TRIM2: variants seen among roughly 807,000 people sequenced by gnomAD.
TRIM2 encodes the protein tripartite motif containing 2, also known as tripartite motif-containing protein 2.
Under a neutral mutation model 75.2 loss-of-function variants are expected in TRIM2, and 20 were observed. The ratio of observed to expected loss-of-function variants is 0.27; its 90% CI spans 0.19 to 0.39. The LOEUF is 0.39. Ranked by LOEUF, TRIM2 falls within the 10% of genes least tolerant of loss-of-function variation. The probability of loss-of-function intolerance (pLI) is 1.00; values close to 1 mark genes in which losing one functional copy is unlikely to be tolerated. For missense variants in TRIM2, 660 were observed against 990.8 expected (o/e 0.67, Z 4.48); for synonymous variants, 373 against 388.3 (o/e 0.96, Z 0.46).
intron 1 of TRIM2, among the ~76,000 whole-genome samples, chr4:153,188,428 T>G (rs11099877): frequency 0.037 from 5,554 of 152,018 alleles, 236 homozygotes; most frequent in Admixed American, 0.14. Context: ...CCACTGCACT[T>G]TAGCCTAGGT....
At chr4:153,157,224 A>C (rs1729315034) in intron 1 of TRIM2, 1 of 152,254 alleles carries the variant, frequency 6.6e-6, no homozygotes, top group Admixed American at 6.5e-5. Context: ...TTCAGTTCCC[A>C]CAGGCTAAGC....
At chr4:153,263,835 G>C (rs914861628) in intron 1 of TRIM2, among the ~76,000 whole-genome samples, 6 of 152,180 alleles carry the variant, frequency 3.9e-5, no homozygotes, top group Non-Finnish European at 7.3e-5. Flanking sequence ...ATGGCAGAGA[G>C]CAGACAGAGT....
At chr4:153,221,744 AAGGG>A (rs771087353) in intron 1 of TRIM2, among the ~76,000 whole-genome samples, 140 of 120,196 alleles carry the variant, frequency 1.2e-3, no homozygotes, top group East Asian at 2.1e-3. Context: ...AAGAGTGAGG[AAGGG>A]AGGGAGGGAG....
chr4:153,226,393 A>T (rs1019200024), intron 1 of TRIM2, among the ~76,000 whole-genome samples: 4 of 152,248 alleles, frequency 2.6e-5, no homozygotes. Flanking sequence ...CTCAAATAGA[A>T]GCTGTGGATA....
intron 3 of TRIM2, among the ~76,000 whole-genome samples, chr4:153,292,503 G>C (rs1257646793): frequency 3.3e-5 from 5 of 151,860 alleles, no homozygotes; most frequent in Admixed American, 6.6e-5. Context: ...TGTTTCCCAG[G>C]CTGGTCTTAA....
chr4:153,321,490 C>T (rs1042467722), intron 8 of TRIM2, among the ~76,000 whole-genome samples: 8 of 152,064 alleles, frequency 5.3e-5, no homozygotes, highest in Admixed American at 1.3e-4. Flanking sequence ...ATTTAAAATA[C>T]GGTATATGAT....
At chr4:153,307,654 T>C in intron 6 of TRIM2, 1 of 454,446 alleles carries the variant, frequency 2.2e-6, no homozygotes, top group South Asian at 2.0e-5. Context: ...GCTAACGTCA[T>C]CCTCACAGGA....
Position 153,335,679 on chromosome 4 carries a change from A to G in TRIM2, c.*713A>G, listed in dbSNP as rs143254727. Reference sequence around the variant, plus strand: ...AAAGTACTTCTTCAGGGAAACCTGAAATTTCTAATGCCTTGAAAAGCATAT... The same window carrying G: ...AAAGTACTTCTTCAGGGAAACCTGAGATTTCTAATGCCTTGAAAAGCATAT... On this transcript the variant is annotated 3_prime_UTR_variant, in exon 12 of 12. Transcript: ENST00000338700. The G allele has an allele frequency of 3.3e-4, 330 of 985,476 alleles. No homozygotes were observed. In the African/African-American group the frequency reaches 5.2e-3, roughly 16 times the overall value. 61.0% of individuals were successfully genotyped at this position (985,476 alleles called of 1,614,324 possible).
intron 6 of TRIM2, among the ~76,000 whole-genome samples, chr4:153,300,646 T>A (rs1763698990): frequency 6.6e-6 from 1 of 152,002 alleles, no homozygotes; most frequent in South Asian, 2.1e-4. Context: ...GTTTTAAGCT[T>A]CCCAAGTAGC....
intron 8 of TRIM2, among the ~76,000 whole-genome samples, chr4:153,322,267 C>T (rs1013711903): frequency 6.6e-5 from 10 of 151,898 alleles, no homozygotes; most frequent in Non-Finnish European, 8.8e-5. Context: ...AAAAATTAGC[C>T]AGGCATGGTG....
At chr4:153,153,975 G>A (rs551065984) in intron 1 of TRIM2, among the ~76,000 whole-genome samples, 8 of 148,220 alleles carry the variant, frequency 5.4e-5, no homozygotes, top group African/African-American at 2.1e-4. Flanking sequence ...TGTGGGGGGT[G>A]TGGTTTTTTT....
intron 1 of TRIM2, among the ~76,000 whole-genome samples, chr4:153,176,746 G>C (rs1231787088): frequency 1.3e-5 from 2 of 152,078 alleles, no homozygotes; most frequent in Non-Finnish European, 2.9e-5. Context: ...AAGTAGCTGG[G>C]ACCACAGGTG....
At chr4:153,273,049 G>C (rs1415472483) in intron 2 of TRIM2, among the ~76,000 whole-genome samples, 2 of 151,838 alleles carry the variant, frequency 1.3e-5, no homozygotes, top group Non-Finnish European at 2.9e-5. Context: ...ATGTTGGCCA[G>C]GATGGTCTCG....
intron 1 of TRIM2, among the ~76,000 whole-genome samples, chr4:153,196,273 AC>A (rs1733767023): frequency 7.7e-6 from 1 of 129,894 alleles, no homozygotes; most frequent in Non-Finnish European, 1.6e-5. Flanking sequence ...ACCCCCCCCC[AC>A]ACACACACAC....
At chr4:153,152,404 G>GTGTATATATATATATATATATA (rs1728808490), upstream of TRIM2, 3 of 17,520 alleles carry the variant, frequency 1.7e-4, no homozygotes, top group South Asian at 0.02. Context: ...ATATATATAT[G>GTGTATATATATATATATATATA]TGTGTATATA....
At chr4:153,258,927 G>A (rs1179948523) in intron 1 of TRIM2, among the ~76,000 whole-genome samples, 1 of 152,086 alleles carries the variant, frequency 6.6e-6, no homozygotes, top group Non-Finnish European at 1.5e-5. Context: ...AATAATGCAC[G>A]CCCCTCCCAA....
intron 3 of TRIM2, among the ~76,000 whole-genome samples, chr4:153,286,552 T>G (rs962757395): frequency 4.6e-5 from 7 of 152,224 alleles, no homozygotes; most frequent in African/African-American, 1.7e-4. Flanking sequence ...TCAGTTTTGA[T>G]AGTTTGTGTG....
intron 1 of TRIM2, among the ~76,000 whole-genome samples, chr4:153,229,674 G>T (rs1047534921): frequency 6.6e-6 from 1 of 152,216 alleles, no homozygotes; most frequent in South Asian, 2.1e-4. Context: ...AACAGTTGAA[G>T]TAGTTTCTGT....
At position 153,283,861 on chromosome 4, in the gene TRIM2, C is replaced by CTTT. The variant is rs71598257; in HGVS notation, c.453+7756_453+7758dup. Among the ~76,000 whole-genome samples the CTTT allele has an allele frequency of 9.2e-3, 491 of 53,272 alleles. 63 individuals are homozygous for CTTT. The highest frequency in any genetic ancestry group is 0.021 in the African/African-American group (248 of 11,742). 34.9% of individuals were successfully genotyped at this position (53,272 alleles called of 152,430 possible). ...TCATCTTGGCCAGGATGGCCTTGAT[C>CTTT]TTTTTTTTTTTTTTTTTTTTTTTTT... On this transcript the variant is annotated intron_variant, in intron 3 of 11. Transcript: ENST00000338700.
Sources: allele counts gnomAD v4.1 joint callset (sites outside exome capture counted in the v4.1 genomes callset), GRCh38; gene constraint gnomAD v4.1.1; transcripts MANE v1.5; gene names NCBI Gene and HGNC (gene_info 2026-07-23, HGNC 2026-07-21).